Variants in RPS6KC1 observed in about 807,000 individuals in gnomAD.
RPS6KC1 encodes inactive ribosomal protein S6 kinase delta-1.
RPS6KC1 carries 54 observed loss-of-function variants against 103.8 expected under a neutral mutation model. That is an observed-to-expected ratio of 0.52 (90% CI 0.42 to 0.65). RPS6KC1 has a LOEUF of 0.65. RPS6KC1 is among the 30% of genes least tolerant of loss of function. The probability of loss-of-function intolerance (pLI) is 0.00; values close to 1 mark genes in which losing one functional copy is unlikely to be tolerated. For synonymous variants in RPS6KC1, 439 were observed against 438.7 expected, an observed-to-expected ratio of 1.00 and a Z score of -0.01; for missense variants, 1,151 against 1,253.8, an observed-to-expected ratio of 0.92 and a Z score of 1.24.
chr1:213,530,286 G>C, the RPS6KC1 span, among the ~76,000 whole-genome samples: 1 of 151,998 alleles, frequency 6.6e-6, no homozygotes, highest in East Asian at 1.9e-4. Context: ...CCAATATTTT[G>C]CTGCTGCTTC....
the RPS6KC1 span, among the ~76,000 whole-genome samples, chr1:213,739,187 C>T: frequency 6.6e-6 from 1 of 152,122 alleles, no homozygotes; most frequent in Non-Finnish European, 1.5e-5. Flanking sequence ...ATAAAGACCT[C>T]TATGATGATC....
intron 1 of RPS6KC1, among the ~76,000 whole-genome samples, chr1:213,066,126 C>A (rs1415040769): frequency 6.6e-6 from 1 of 152,170 alleles, no homozygotes; most frequent in Non-Finnish European, 1.5e-5. Context: ...TTCCCTATGC[C>A]TAGCGCAGTG....
chr1:213,742,637 G>A, the RPS6KC1 span, among the ~76,000 whole-genome samples: 1 of 152,218 alleles, frequency 6.6e-6, no homozygotes, highest in African/African-American at 2.4e-5. Flanking sequence ...AATGTATGTA[G>A]GCTCAGGCTG....
At chr1:213,716,138 A>G in the RPS6KC1 span, among the ~76,000 whole-genome samples, 6 of 152,244 alleles carry the variant, frequency 3.9e-5, no homozygotes, top group Admixed American at 3.9e-4. Context: ...TCTATAATAT[A>G]AAAGTCTATT....
chr1:213,200,517 A>C (rs1249067551), intron 8 of RPS6KC1, among the ~76,000 whole-genome samples: 1 of 152,224 alleles, frequency 6.6e-6, no homozygotes, highest in Admixed American at 6.5e-5. Context: ...TGTAAAATAC[A>C]AAACTATAAA....
At chr1:213,212,036 C>G (rs2093521183) in intron 8 of RPS6KC1, among the ~76,000 whole-genome samples, 1 of 152,070 alleles carries the variant, frequency 6.6e-6, no homozygotes, top group Admixed American at 6.6e-5. Context: ...ACAACCCCCA[C>G]CAGAGTGGTA....
At chr1:213,367,456 G>T in the RPS6KC1 span, among the ~76,000 whole-genome samples, 1 of 152,178 alleles carries the variant, frequency 6.6e-6, no homozygotes, top group African/African-American at 2.4e-5. Context: ...ATCTTTGGGT[G>T]GTCTGTGACT....
chr1:213,577,072 C>G, the RPS6KC1 span, among the ~76,000 whole-genome samples: 1 of 152,150 alleles, frequency 6.6e-6, no homozygotes, highest in African/African-American at 2.4e-5. Flanking sequence ...CAAATCTCAT[C>G]TTGAATTGTA....
At chr1:213,667,408 A>G in the RPS6KC1 span, among the ~76,000 whole-genome samples, 1 of 152,254 alleles carries the variant, frequency 6.6e-6, no homozygotes, top group East Asian at 1.9e-4. Flanking sequence ...ACTGTAGTCT[A>G]TTAAGTATGA....
chr1:213,764,948 G>A, the RPS6KC1 span, among the ~76,000 whole-genome samples: 10 of 152,294 alleles, frequency 6.6e-5, no homozygotes, highest in South Asian at 2.1e-3. Flanking sequence ...TCTCCCTATA[G>A]GGGGCAGGGG....
intron 4 of RPS6KC1, among the ~76,000 whole-genome samples, chr1:213,108,669 T>A (rs1239458737): frequency 2.0e-5 from 3 of 150,980 alleles, no homozygotes; most frequent in Admixed American, 6.6e-5. Flanking sequence ...TTTTTTTTTT[T>A]AAAGAATTGG....
At chr1:213,407,559 T>C in the RPS6KC1 span, among the ~76,000 whole-genome samples, 5 of 152,222 alleles carry the variant, frequency 3.3e-5, no homozygotes, top group African/African-American at 1.2e-4. Flanking sequence ...CCGTGGGAAC[T>C]TTATTTTTTC....
the RPS6KC1 span, among the ~76,000 whole-genome samples, chr1:213,309,473 A>G: frequency 6.6e-6 from 1 of 152,224 alleles, no homozygotes; most frequent in Non-Finnish European, 1.5e-5. Context: ...GGCAAAAATA[A>G]AGTGAAAAGT....
At chr1:213,559,165 C>T in the RPS6KC1 span, among the ~76,000 whole-genome samples, 3 of 152,108 alleles carry the variant, frequency 2.0e-5, no homozygotes, top group Non-Finnish European at 4.4e-5. Context: ...TTCACTTTGC[C>T]ATTGAGGAAA....
chr1:213,550,244 A>G, the RPS6KC1 span, among the ~76,000 whole-genome samples: 1 of 152,220 alleles, frequency 6.6e-6, no homozygotes, highest in Non-Finnish European at 1.5e-5. Context: ...TGTCAGACCC[A>G]GGGGGAAGAA....
chr1:213,403,330 A>G, the RPS6KC1 span, among the ~76,000 whole-genome samples: 2 of 151,934 alleles, frequency 1.3e-5, no homozygotes, highest in African/African-American at 4.8e-5. Context: ...AGATCTGGGT[A>G]CTTTTCCTGG....
chr1:213,604,972 C>G, the RPS6KC1 span, among the ~76,000 whole-genome samples: 1 of 152,148 alleles, frequency 6.6e-6, no homozygotes, highest in African/African-American at 2.4e-5. Flanking sequence ...ATCCTGTTCT[C>G]TCATATCTTG....
the RPS6KC1 span, among the ~76,000 whole-genome samples, chr1:213,745,560 A>G: frequency 5.9e-5 from 9 of 152,130 alleles, no homozygotes; most frequent in African/African-American, 2.2e-4. Context: ...TGATCTCAGC[A>G]TTGATTGGGG....
At chr1:213,397,263 C>G in the RPS6KC1 span, among the ~76,000 whole-genome samples, 4 of 152,040 alleles carry the variant, frequency 2.6e-5, no homozygotes. Context: ...TACCCTTACT[C>G]TTTCTTCTCC....
Sources: allele counts gnomAD v4.1 joint callset (sites outside exome capture counted in the v4.1 genomes callset), GRCh38; gene constraint gnomAD v4.1.1; transcripts MANE v1.5; gene names NCBI Gene and HGNC (gene_info 2026-07-23, HGNC 2026-07-21).